Variants in MBTPS1 observed in about 807,000 individuals in gnomAD.
MBTPS1 encodes membrane bound transcription factor peptidase, site 1, also known as membrane-bound transcription factor site-1 protease.
A neutral mutation model predicts 127.8 loss-of-function variants in MBTPS1; 94 were observed. The ratio of observed to expected loss-of-function variants is 0.74; its 90% confidence interval spans 0.62 to 0.87. The LOEUF (loss-of-function observed/expected upper bound fraction) is 0.87, where lower values mean the gene tolerates loss of function less well. Among genes scored for constraint, MBTPS1 ranks in the 40% least tolerant of loss-of-function variants. MBTPS1 has a pLI of 0.00. For missense variants in MBTPS1, 1,636 were observed against 1,353.2 expected, an observed-to-expected ratio of 1.21 and a Z score of -3.28; for synonymous variants, 632 against 509.4, an observed-to-expected ratio of 1.24 and a Z score of -3.24.
intron 19 of MBTPS1, 58 bp downstream of exon 19, chr16:84,063,247 C>T: frequency 1.0e-5 from 16 of 1,572,846 alleles, no homozygotes; most frequent in East Asian, 2.3e-5. Context: ...TTTCCAGAGA[C>T]AAAGGGAAGA....
chr16:84,059,136 A>C (rs2085567596), intron 21 of MBTPS1, among the ~76,000 whole-genome samples, 166 bp downstream of exon 21: 1 of 152,232 alleles, frequency 6.6e-6, no homozygotes, highest in Non-Finnish European at 1.5e-5. Flanking sequence ...CAAAGAGCCT[A>C]TTTCCAAAGG....
At chr16:84,067,456 G>T (rs1011984441) in intron 16 of MBTPS1, among the ~76,000 whole-genome samples, 1 of 152,104 alleles carries the variant, frequency 6.6e-6, no homozygotes, top group Non-Finnish European at 1.5e-5. Context: ...AGGTTCAACC[G>T]ATCTGCCCAA....
At chr16:84,058,166 G>A (rs1447943516) in intron 21 of MBTPS1, 2 of 152,244 alleles carry the variant, frequency 1.3e-5, no homozygotes, top group African/African-American at 2.4e-5. Flanking sequence ...ACAATGTGAT[G>A]ATTCTACCAT....
intron 1 of MBTPS1, among the ~76,000 whole-genome samples, chr16:84,108,677 A>G (rs2151173359): frequency 6.6e-6 from 1 of 152,322 alleles, no homozygotes; most frequent in South Asian, 2.1e-4. Flanking sequence ...GCAGAAGCCC[A>G]CTACAGGGTC....
Position 84,091,591 on chromosome 16 carries a change from G to C in MBTPS1, c.963+141C>G, listed in dbSNP as rs1051831042. The C allele has an allele frequency of 1.3e-5, 8 of 628,676 alleles. No homozygotes were observed. The African/African-American group carries it at 1.5e-4, about 12-fold the overall frequency. The allele number at this position is 628,676 out of a possible 1,614,324, so 38.9% of individuals were successfully genotyped here. ...AATTTATGACATGCAAATCACTGAA[G>C]CTCACGTCATTAGCCATCTGTTCTC... On this transcript the variant is annotated intron_variant, in intron 7 of 22. Transcript: ENST00000343411.
At chr16:84,058,234 G>T (rs528466175) in intron 21 of MBTPS1, among the ~76,000 whole-genome samples, 3 of 152,346 alleles carry the variant, frequency 2.0e-5, no homozygotes, top group East Asian at 1.9e-4. Context: ...TGCGTGGTGT[G>T]TTCAGCACTT....
At chr16:84,055,890 C>G (rs2085514162) in intron 22 of MBTPS1, 115 bp downstream of exon 22, 2 of 1,211,402 alleles carry the variant, frequency 1.7e-6, no homozygotes, top group Non-Finnish European at 2.3e-6. Context: ...GCCACCACAG[C>G]TCCCAGGAAG....
Position 84,099,181 on chromosome 16 carries a change from G to A in MBTPS1, c.293C>T (p.Pro98Leu). Residue 98 changes from proline to leucine, a missense_variant, in exon 3 of 23, where the codon CCT (proline) becomes CTT (leucine). By Grantham distance (98) the Pro-to-Leu change is moderately conservative. Coordinates refer to ENST00000343411, the MANE Select transcript of MBTPS1 (RefSeq NM_003791.4). ...IPRNNPSSDY[P>L]SDFEVIQIKE... is the part of the protein sequence containing the mutation. Reference sequence around the variant, plus strand: ...TATCTGAATCACCTCAAAATCACTAGGGTAGTCACTGGATGGATTGTTTCG... The same window carrying A: ...TATCTGAATCACCTCAAAATCACTAAGGTAGTCACTGGATGGATTGTTTCG... The A allele has an allele frequency of 6.2e-7, 1 of 1,614,140 alleles. No homozygotes were observed. The highest frequency in any genetic ancestry group is 8.5e-7 in the Non-Finnish European group (1 of 1,180,032).
chr16:84,077,235 A>G (rs956737353), intron 11 of MBTPS1, among the ~76,000 whole-genome samples: 7 of 89,204 alleles, frequency 7.8e-5, no homozygotes, highest in African/African-American at 3.1e-4. Flanking sequence ...ATTAAAAAAG[A>G]AAAAAAAAAA....
intron 7 of MBTPS1, among the ~76,000 whole-genome samples, 184 bp from the exon 8 acceptor site, chr16:84,091,126 C>T (rs967921508): frequency 6.6e-6 from 1 of 152,146 alleles, no homozygotes; most frequent in East Asian, 1.9e-4. Flanking sequence ...CGGAGAAGCA[C>T]GCAGTGCACA....
In MBTPS1 at chr16:84,070,683, C is replaced by T; in HGVS notation, c.1687G>A (p.Ala563Thr). 2.5e-6 allele frequency: 4 copies of T among 1,613,934 alleles called. No individual in the cohort carries two copies. The highest frequency in any genetic ancestry group is 1.1e-5 in the South Asian group (1 of 91,058). Reference protein sequence around the residue: ...SVLWPWSGYLAISISVTKKAA... With the variant: ...SVLWPWSGYLTISISVTKKAA... The stretch of plus-strand genomic sequence containing the variant: ...TTCTTGGTCACAGAAATGGAGATGG[C>T]CAGGTAGCCCGACCAAGGCCATAAG... The change falls in exon 13 of 23, where the codon GCC becomes ACC. Residue 563 changes from alanine to threonine, a missense_variant. By Grantham distance (58) the Ala-to-Thr change is moderately conservative. Coordinates refer to ENST00000343411, the MANE Select transcript of MBTPS1 (RefSeq NM_003791.4).
chr16:84,060,709 C>G lies in MBTPS1; in HGVS notation c.2677G>C (p.Gly893Arg). The change falls in exon 20 of 23, where the codon GGC becomes CGC. Residue 893 changes from glycine to arginine, a missense_variant. Transcript: ENST00000343411. ...GNRQRPPSGA[G>R]SVTPERMEGN... ...TCCATCCTCTCTGGAGTGACTGAGC[C>G]TGCTCCACTGGGAGGGCGCTGGCGG... 6.2e-7 allele frequency: 1 copy of G among 1,614,066 alleles called. No individual in the cohort carries two copies. Among genetic ancestry groups the G allele is most frequent in the Non-Finnish European group, 8.5e-7 (1 of 1,179,966 alleles).
At chr16:84,084,523 A>G (rs1227310493) in intron 10 of MBTPS1, among the ~76,000 whole-genome samples, 1 of 152,228 alleles carries the variant, frequency 6.6e-6, no homozygotes, top group African/African-American at 2.4e-5. Flanking sequence ...ATTCCATAAC[A>G]TCATGTTGTA....
At chr16:84,091,985 C>T in intron 6 of MBTPS1, 137 bp from the exon 7 acceptor site, 1 of 611,724 alleles carries the variant, frequency 1.6e-6, no homozygotes, top group Non-Finnish European at 3.0e-6. Flanking sequence ...GAAATGAATC[C>T]TGAGCATGCA....
chr16:84,073,043 A>G (rs1232183096), intron 12 of MBTPS1, among the ~76,000 whole-genome samples: 2 of 152,266 alleles, frequency 1.3e-5, no homozygotes, highest in African/African-American at 2.4e-5. Context: ...AAAACTACCT[A>G]ACAGTTCAAA....
Position 84,099,246 on chromosome 16 carries a change from G to C in MBTPS1, c.228C>G (p.Ala76=). The C allele has an allele frequency of 1.9e-6, 3 of 1,613,904 alleles. No individual in the cohort carries two copies. The highest frequency in any genetic ancestry group is 1.1e-5 in the South Asian group (1 of 91,078). The change falls in exon 3 of 23, where the codon GCC becomes GCG. Residue 76 remains alanine (A), a synonymous_variant. Transcript: ENST00000343411. ...AKARNSFISS[A]LKSSEVDNWR... ...AATTGTCTACTTCACTGCTCTTCAG[G>C]GCACTTGAAATAAATGAATTTCTAG...
In MBTPS1 at chr16:84,066,481, A is replaced by G; in HGVS notation, c.2353+8T>C. ...CTAAGACCACGCCCTCAGGAAACAG[A>G]GCCTTACTGTCATGGTTGGCCAGGG... On this transcript the variant is annotated splice_region_variant and intron_variant, in intron 17 of 22. Coordinates refer to ENST00000343411, the MANE Select transcript of MBTPS1 (RefSeq NM_003791.4). The G allele has an allele frequency of 1.2e-6, 2 of 1,613,644 alleles. No homozygotes were observed. Among genetic ancestry groups the G allele is most frequent in the Non-Finnish European group, 1.7e-6 (2 of 1,179,736 alleles).
In MBTPS1 at chr16:84,063,386, A is replaced by C. The variant is rs747506713; in HGVS notation, c.2491T>G (p.Tyr831Asp). 2.8e-5 allele frequency: 46 copies of C among 1,614,044 alleles called. No homozygotes were observed. Among genetic ancestry groups the C allele is most frequent in the Non-Finnish European group, 3.9e-5 (46 of 1,179,972 alleles). The change falls in exon 19 of 23, where the codon TAT becomes GAT. Residue 831 changes from tyrosine to aspartate, a missense_variant. By Grantham distance (160) the Tyr-to-Asp change is radical. Transcript: ENST00000343411. ...VVENVPILGL[Y>D]QIPAEGGGRI... ...CCTCCACCCTCAGCTGGAATCTGAT[A>C]AAGTCCCAAAATGGGGACGTTTTCA... is the stretch of plus-strand genomic sequence containing the variant.
intron 8 of MBTPS1, among the ~76,000 whole-genome samples, chr16:84,090,653 A>G (rs1456614020): frequency 6.6e-6 from 1 of 152,194 alleles, no homozygotes; most frequent in Non-Finnish European, 1.5e-5. Context: ...ATATAAATAG[A>G]AGGAAGACCG....
Sources: allele counts gnomAD v4.1 joint callset (sites outside exome capture counted in the v4.1 genomes callset), GRCh38; gene constraint gnomAD v4.1.1; transcripts MANE v1.5; gene names NCBI Gene and HGNC (gene_info 2026-07-23, HGNC 2026-07-21).